The following ETAA1 variants were observed in gnomAD, a reference collection of about 807,000 sequenced individuals.
The protein encoded by ETAA1 is ewing's tumor-associated antigen 1.
In ETAA1, 49 loss-of-function variants were observed where a neutral mutation model predicts 76.8. That is an observed-to-expected ratio of 0.64 (90% CI 0.51 to 0.81). ETAA1 has a LOEUF of 0.81. Among genes scored for constraint, ETAA1 ranks in the 30% least tolerant of loss-of-function variants. The probability of loss-of-function intolerance (pLI) is 0.00; values close to 1 mark genes in which losing one functional copy is unlikely to be tolerated. For synonymous variants in ETAA1, 373 were observed against 372.2 expected, an observed-to-expected ratio of 1.00 and a Z score of -0.03; for missense variants, 1,099 against 1,074.0, an observed-to-expected ratio of 1.02 and a Z score of -0.32.
Position 67,403,784 on chromosome 2 carries a change from A to G in ETAA1, c.1102A>G (p.Asn368Asp), listed in dbSNP as rs1676122384. 6.2e-7 allele frequency: 1 copy of G among 1,613,246 alleles called. No homozygotes were observed. Among genetic ancestry groups the G allele is most frequent in the Admixed American group, 1.7e-5 (1 of 59,944 alleles). Reference sequence around the variant, plus strand: ...CTGTACTAAGGAGCCAGAAACTTCTAATAAGTACATTGATGCATTTACTAC... The same window carrying G: ...CTGTACTAAGGAGCCAGAAACTTCTGATAAGTACATTGATGCATTTACTAC... ...TSCTKEPETS[N>D]KYIDAFTTSD... The change falls in exon 5 of 6, where the codon AAT (asparagine) becomes GAT (aspartate). Residue 368 changes from asparagine to aspartate, a missense_variant. Asn to Asp is a conservative substitution (Grantham distance 23). Coordinates refer to ENST00000272342, the MANE Select transcript of ETAA1 (RefSeq NM_019002.4).
rs1351553859 is a variant in ETAA1, at chr2:67,403,280, A to G, written c.598A>G (p.Lys200Glu). The G allele has an allele frequency of 2.5e-6, 4 of 1,592,346 alleles. No homozygotes were observed. Among genetic ancestry groups the G allele is most frequent in the Admixed American group, 1.9e-5 (1 of 53,790 alleles). ...TATGAAACTGGCTAAACAATTTGAT[A>G]AAAATATGGAAGAGCTAGATGTGAT... ...ELMKLAKQFD[K>E]NMEELDVIQE... is the part of the protein sequence containing the mutation. Residue 200 changes from lysine to glutamate, a missense_variant, in exon 5 of 6, where the codon AAA (lysine) becomes GAA (glutamate). Coordinates refer to ENST00000272342, the MANE Select transcript of ETAA1 (RefSeq NM_019002.4).
rs777025071 is a variant in ETAA1, at chr2:67,411,033, T to C, written c.*995T>C. 11 of 152,094 alleles carry C rather than the reference T, an allele frequency of 7.2e-5. No homozygotes were observed. Among genetic ancestry groups the C allele is most frequent in the Non-Finnish European group, 1.5e-4 (10 of 67,968 alleles). 9.4% of individuals were successfully genotyped at this position (152,094 alleles called of 1,614,324 possible). Reference sequence around the variant, plus strand: ...ATAAAAATGAGAATCTTTTTTCTTTTCAGTTTTTCTGTAACTGTAATTTTC... The same window carrying C: ...ATAAAAATGAGAATCTTTTTTCTTTCCAGTTTTTCTGTAACTGTAATTTTC... On this transcript the variant is annotated 3_prime_UTR_variant, in exon 6 of 6. Coordinates refer to ENST00000272342, the MANE Select transcript of ETAA1 (RefSeq NM_019002.4).
intron 1 of ETAA1, 152 bp downstream of exon 1, chr2:67,397,823 C>G: frequency 1.3e-6 from 1 of 778,138 alleles, no homozygotes. Flanking sequence ...AATCCTATAC[C>G]ACTCCCCGAT....
chr2:67,399,602 T>C lies in ETAA1; in HGVS notation c.405T>C (p.His135=), dbSNP rs1675997555. 6.2e-7 allele frequency: 1 copy of C among 1,608,732 alleles called. No homozygotes were observed. The highest frequency in any genetic ancestry group is 1.3e-5 in the African/African-American group (1 of 74,870). ...IYTTDSDEIS[H]IVNRIAPQDE... The stretch of plus-strand genomic sequence containing the variant: ...CCACAGATAGTGATGAGATTTCACA[T>C]ATTGTTAATCGTATTGCTCCTCAGG... The change falls in exon 3 of 6, where the codon CAT becomes CAC. Residue 135 remains histidine (H), a synonymous_variant. Coordinates refer to ENST00000272342, the MANE Select transcript of ETAA1 (RefSeq NM_019002.4).
chr2:67,398,861 T>C (rs926258808), intron 1 of ETAA1, among the ~76,000 whole-genome samples: 3 of 152,186 alleles, frequency 2.0e-5, no homozygotes, highest in African/African-American at 7.2e-5. Context: ...TTACAGATGG[T>C]TCCCCAAAGC....
chr2:67,397,664 C>A lies in ETAA1; in HGVS notation c.216C>A (p.Asn72Lys). ...CCGCCGCCCTGTGCAGTAAAAGTAA[C>A]CCCGAGGGTGAGACGTCGGCAGCGC... ...PPTAALCSKS[N>K]PEERYETPKR... is the part of the protein sequence containing the mutation. The change falls in exon 1 of 6, where the codon AAC (asparagine) becomes AAA (lysine). Residue 72 changes from asparagine to lysine, a missense_variant. Asn to Lys is a moderately conservative substitution (Grantham distance 94). Transcript: ENST00000272342. 3 of 1,546,396 alleles carry A rather than the reference C, an allele frequency of 1.9e-6. No individual in the cohort carries two copies. Among genetic ancestry groups the A allele is most frequent in the Non-Finnish European group, 2.6e-6 (3 of 1,146,542 alleles).
chr2:67,397,362 C>T lies in ETAA1; in HGVS notation c.-87C>T, dbSNP rs975786207. On this transcript the variant is annotated 5_prime_UTR_variant, in exon 1 of 6. Transcript: ENST00000272342. ...ACCAAAATGGCGGCTGCCGTTGGTG[C>T]GGGGTGCGGTTTGTAGTGCTGTTGC... 48 of 1,367,984 alleles carry T rather than the reference C, an allele frequency of 3.5e-5. No homozygotes were observed. The South Asian group carries it at 3.8e-4, about 11-fold the overall frequency. 84.7% of individuals were successfully genotyped at this position (1,367,984 alleles called of 1,614,324 possible).
At chr2:67,407,752 G>C (rs1676258578) in intron 5 of ETAA1, among the ~76,000 whole-genome samples, 2 of 152,064 alleles carry the variant, frequency 1.3e-5, no homozygotes, top group Non-Finnish European at 2.9e-5. Context: ...ATAAGGAAGA[G>C]AAAATAATAT....
chr2:67,406,279 G>A (rs528817971), intron 5 of ETAA1, among the ~76,000 whole-genome samples: 17 of 152,092 alleles, frequency 1.1e-4, no homozygotes, highest in African/African-American at 2.9e-4. Context: ...AACTTAGACC[G>A]TGCTCTTCCC....
At position 67,399,281 on chromosome 2, in the gene ETAA1, A is replaced by C; in HGVS notation, c.336A>C (p.Pro112=). Residue 112 remains proline (P), a synonymous_variant, in exon 2 of 6, where the codon CCA becomes CCC. Transcript: ENST00000272342. ...ATATCTTTTGGGATCAGAATTCTCC[A>C]TTGACAAAGCAGTTAGGTAATTAAT... ...QNDIFWDQNS[P]LTKQLGKGRK... is the part of the protein sequence containing the mutation. The C allele has an allele frequency of 6.2e-7, 1 of 1,610,986 alleles. No individual in the cohort carries two copies. Among genetic ancestry groups the C allele is most frequent in the Admixed American group, 1.7e-5 (1 of 59,538 alleles).
chr2:67,407,209 A>G (rs976535717), intron 5 of ETAA1, among the ~76,000 whole-genome samples: 2 of 151,450 alleles, frequency 1.3e-5, no homozygotes, highest in South Asian at 4.2e-4. Context: ...CTTGGATCAC[A>G]CATAAGATAC....
chr2:67,399,898 T>A (rs1341538196), intron 3 of ETAA1, among the ~76,000 whole-genome samples: 1 of 118,020 alleles, frequency 8.5e-6, no homozygotes, highest in Non-Finnish European at 1.8e-5. Context: ...ATCTGTAATG[T>A]TGTGCTTAAC....
chr2:67,403,827 AT>A lies in ETAA1; in HGVS notation c.1147del (p.Trp383GlyfsTer5), dbSNP rs1234504692. The A allele has an allele frequency of 6.2e-7, 1 of 1,613,238 alleles. No individual in the cohort carries two copies. The highest frequency in any genetic ancestry group is 8.5e-7 in the Non-Finnish European group (1 of 1,179,490). The stretch of plus-strand genomic sequence containing the variant: ...TTTACTACAAGTGATTTTGAGGATG[AT>A]TGGGAAAACTTACTAGGTAGTGAAC... ...DAFTTSDFED[D>X]WENLLGSEPF... On this transcript the variant is annotated frameshift_variant, in exon 5 of 6. Coordinates refer to ENST00000272342, the MANE Select transcript of ETAA1 (RefSeq NM_019002.4). LOFTEE classifies it high-confidence loss of function.
rs769073466 is a variant in ETAA1, at chr2:67,405,343, T to C, written c.2653+8T>C. On this transcript the variant is annotated splice_region_variant and intron_variant, in intron 5 of 5. Coordinates refer to ENST00000272342, the MANE Select transcript of ETAA1 (RefSeq NM_019002.4). Reference sequence around the variant, plus strand: ...TGAAACAATCTTCAAAAGGTATGTATGAAATATGAAATAGTTTTCTTTGAA... The same window carrying C: ...TGAAACAATCTTCAAAAGGTATGTACGAAATATGAAATAGTTTTCTTTGAA... 10 of 1,497,756 alleles carry C rather than the reference T, an allele frequency of 6.7e-6. No individual in the cohort carries two copies. The highest frequency in any genetic ancestry group is 8.9e-6 in the Non-Finnish European group (10 of 1,124,290). The allele number at this position is 1,497,756 out of a possible 1,614,324, so 92.8% of individuals were successfully genotyped here.
Position 67,410,115 on chromosome 2 carries a change from T to G in ETAA1, c.*77T>G. On this transcript the variant is annotated 3_prime_UTR_variant, in exon 6 of 6. Transcript: ENST00000272342. The stretch of plus-strand genomic sequence containing the variant: ...TGATAGGAAATTTTTTTTCTTGATT[T>G]CTCTGTGAGAAATGTAATGCTGACT... 7.3e-7 allele frequency: 1 copy of G among 1,363,364 alleles called. No individual in the cohort carries two copies. Among genetic ancestry groups the G allele is most frequent in the Non-Finnish European group, 1.0e-6 (1 of 990,704 alleles). The allele number at this position is 1,363,364 out of a possible 1,614,324, so 84.5% of individuals were successfully genotyped here.
intron 3 of ETAA1, 69 bp downstream of exon 3, chr2:67,399,695 C>T: frequency 5.6e-6 from 6 of 1,062,952 alleles, no homozygotes; most frequent in Non-Finnish European, 8.4e-6. Flanking sequence ...TTTGTAGTTT[C>T]TTTAAATGAA....
At position 67,399,631 on chromosome 2, in the gene ETAA1, A is replaced by G. The variant is rs1675998623; in HGVS notation, c.429+5A>G. 1 of 1,579,174 alleles carries G rather than the reference A, an allele frequency of 6.3e-7. No homozygotes were observed. The highest frequency in any genetic ancestry group is 8.7e-7 in the Non-Finnish European group (1 of 1,152,838). ...GTTAATCGTATTGCTCCTCAGGTAA[A>G]TATCACTAGTTTTACAGTTTGTTTT... On this transcript the variant is annotated splice_donor_5th_base_variant and intron_variant, in intron 3 of 5. Coordinates refer to ENST00000272342, the MANE Select transcript of ETAA1 (RefSeq NM_019002.4).
rs575269795 is a variant in ETAA1 at position 67,401,652 on chromosome 2, G to A, written c.430-1210G>A. On this transcript the variant is annotated intron_variant, in intron 3 of 5. Coordinates refer to ENST00000272342, the MANE Select transcript of ETAA1 (RefSeq NM_019002.4). ...TAGGACCCATGTATATGTAAAGTTGGGTACATAAAGTCATAATTTAGTTCT... is the reference window on the plus strand; with the variant it reads ...TAGGACCCATGTATATGTAAAGTTGAGTACATAAAGTCATAATTTAGTTCT... 12 of 151,692 alleles carry A rather than the reference G, an allele frequency of 7.9e-5. No homozygotes were observed. The South Asian group carries it at 1.9e-3, about 24-fold the overall frequency. The allele number at this position is 151,692 out of a possible 1,614,324, so 9.4% of individuals were successfully genotyped here.
chr2:67,402,408 GAAAATTTGGAGAA>G (rs1245790318), intron 3 of ETAA1: 1 of 151,878 alleles, frequency 6.6e-6, no homozygotes, highest in African/African-American at 2.4e-5. Flanking sequence ...TAAGGATAAA[GAAAATTTGGAGAA>G]ACAGATGATA....
Sources: allele counts gnomAD v4.1 joint callset (sites outside exome capture counted in the v4.1 genomes callset), GRCh38; gene constraint gnomAD v4.1.1; transcripts MANE v1.5; gene names NCBI Gene and HGNC (gene_info 2026-07-23, HGNC 2026-07-21).